Variants in CDH13 observed in about 807,000 individuals in gnomAD.
The protein encoded by CDH13 is cadherin 13.
CDH13 carries 24 observed loss-of-function variants against 63.8 expected under a neutral mutation model. That is an observed-to-expected ratio of 0.38 (90% CI 0.27 to 0.53). The LOEUF (loss-of-function observed/expected upper bound fraction) is 0.53. Among genes scored for constraint, CDH13 ranks in the 20% least tolerant of loss-of-function variants. The probability of loss-of-function intolerance (pLI) is 0.85; values close to 1 mark genes in which losing one functional copy is unlikely to be tolerated. For missense variants in CDH13, 1,049 were observed against 903.1 expected, an observed-to-expected ratio of 1.16 and a Z score of -2.07; for synonymous variants, 503 against 355.3, an observed-to-expected ratio of 1.42 and a Z score of -4.67.
At chr16:82,731,578 ATTG>A (rs1247190761) in intron 1 of CDH13, among the ~76,000 whole-genome samples, 1 of 152,242 alleles carries the variant, frequency 6.6e-6, no homozygotes, top group Admixed American at 6.5e-5. Flanking sequence ...GACTTAGGTC[ATTG>A]GTTTATTTTC....
intron 5 of CDH13, among the ~76,000 whole-genome samples, chr16:83,232,620 A>G (rs1211954350): frequency 6.6e-6 from 1 of 151,738 alleles, no homozygotes; most frequent in East Asian, 1.9e-4. Context: ...GCCATGTTAT[A>G]CGCCTGCATC....
At chr16:83,080,005 A>G (rs2033123885) in intron 3 of CDH13, among the ~76,000 whole-genome samples, 2 of 152,226 alleles carry the variant, frequency 1.3e-5, no homozygotes, top group Non-Finnish European at 2.9e-5. Context: ...TGGACTAATA[A>G]AAATGACATA....
chr16:83,599,811 A>C (rs1456678119), intron 7 of CDH13, among the ~76,000 whole-genome samples: 1 of 152,232 alleles, frequency 6.6e-6, no homozygotes, highest in Non-Finnish European at 1.5e-5. Flanking sequence ...GTGCTTTCAA[A>C]AATAAGTAAC....
intron 7 of CDH13, among the ~76,000 whole-genome samples, chr16:83,593,988 T>G (rs1327443845): frequency 6.6e-6 from 1 of 152,260 alleles, no homozygotes; most frequent in Non-Finnish European, 1.5e-5. Flanking sequence ...ACAGTTTCCC[T>G]GCTCAGGAAT....
intron 8 of CDH13, among the ~76,000 whole-genome samples, chr16:83,616,275 A>T (rs1909273951): frequency 6.6e-6 from 1 of 152,174 alleles, no homozygotes; most frequent in Non-Finnish European, 1.5e-5. Flanking sequence ...ATAATCTACC[A>T]TGTGGCTGTT....
chr16:83,347,178 C>T (rs1382306115), intron 6 of CDH13, among the ~76,000 whole-genome samples: 1 of 152,192 alleles, frequency 6.6e-6, no homozygotes, highest in East Asian at 1.9e-4. Context: ...AGACGGTATC[C>T]TCTTTCCAAC....
At chr16:83,485,956 A>T (rs1000712750) in intron 6 of CDH13, among the ~76,000 whole-genome samples, 1 of 152,166 alleles carries the variant, frequency 6.6e-6, no homozygotes, top group African/African-American at 2.4e-5. Flanking sequence ...AAGCCTGGCT[A>T]AAATGGTTAA....
intron 1 of CDH13, among the ~76,000 whole-genome samples, chr16:82,800,588 C>A (rs1192645762): frequency 2.6e-5 from 4 of 152,166 alleles, no homozygotes; most frequent in African/African-American, 9.7e-5. Context: ...AAGTTAAGAA[C>A]CATTAATTTT....
chr16:83,593,692 C>T lies in CDH13; in HGVS notation c.961-8762C>T, dbSNP rs571129047. 3.9e-5 allele frequency among the ~76,000 whole-genome samples: 6 copies of T among 151,980 alleles called. No individual in the cohort carries two copies. In the South Asian group the frequency reaches 1.0e-3, roughly 26 times the overall value. On this transcript the variant is annotated intron_variant, in intron 7 of 13. Coordinates refer to ENST00000567109, the MANE Select transcript of CDH13 (RefSeq NM_001257.5). ...GTAATCATATTTATGTAATAGTGGGCTAATTGTGTTATAATATGACTAATT... is the reference window on the plus strand; with the variant it reads ...GTAATCATATTTATGTAATAGTGGGTTAATTGTGTTATAATATGACTAATT...
intron 4 of CDH13, among the ~76,000 whole-genome samples, chr16:83,147,583 C>G (rs752078074): frequency 2.9e-4 from 44 of 152,200 alleles, no homozygotes; most frequent in Non-Finnish European, 4.1e-4. Flanking sequence ...CAACATCCCT[C>G]AGGAACATTT....
intron 7 of CDH13, among the ~76,000 whole-genome samples, chr16:83,564,797 G>T (rs990298005): frequency 6.6e-6 from 1 of 152,236 alleles, no homozygotes; most frequent in Non-Finnish European, 1.5e-5. Context: ...AGGCCAGAGA[G>T]AAGAGTATGG....
chr16:83,035,726 C>G (rs566406896), intron 3 of CDH13, among the ~76,000 whole-genome samples: 1 of 152,112 alleles, frequency 6.6e-6, no homozygotes, highest in Non-Finnish European at 1.5e-5. Flanking sequence ...CATGGTGTTT[C>G]TCTTCTAAGC....
chr16:83,361,913 T>C (rs573252121), intron 6 of CDH13, among the ~76,000 whole-genome samples: 44 of 152,288 alleles, frequency 2.9e-4, no homozygotes, highest in African/African-American at 9.9e-4. Flanking sequence ...ATTTGGGGTA[T>C]TTTTTGGTTG....
chr16:83,383,157 G>A (rs530966252), intron 6 of CDH13: 1 of 152,232 alleles, frequency 6.6e-6, no homozygotes, highest in East Asian at 1.9e-4. Flanking sequence ...TGCTCAACGT[G>A]GTCCATCTGA....
chr16:83,561,341 A>G (rs536438966), intron 7 of CDH13, among the ~76,000 whole-genome samples: 1 of 147,356 alleles, frequency 6.8e-6, no homozygotes, highest in Non-Finnish European at 1.5e-5. Flanking sequence ...CAGGAGAATT[A>G]TTTGAACCTG....
chr16:83,041,324 T>C (rs1917312800), intron 3 of CDH13, among the ~76,000 whole-genome samples: 1 of 152,146 alleles, frequency 6.6e-6, no homozygotes, highest in African/African-American at 2.4e-5. Flanking sequence ...TTCATCATCG[T>C]TGCAAACATG....
intron 2 of CDH13, among the ~76,000 whole-genome samples, chr16:82,897,890 A>T (rs114574966): frequency 0.017 from 2,649 of 152,302 alleles, 73 homozygotes; most frequent in African/African-American, 0.059. Flanking sequence ...CTAGTCGGCA[A>T]ACATTTATCA....
chr16:82,955,096 T>C (rs377021306), intron 2 of CDH13, among the ~76,000 whole-genome samples: 1 of 152,242 alleles, frequency 6.6e-6, no homozygotes, highest in South Asian at 2.1e-4. Context: ...TGTGAAAATA[T>C]GCCTATAATC....
intron 4 of CDH13, among the ~76,000 whole-genome samples, chr16:83,138,535 CAG>C (rs1567867408): frequency 6.6e-6 from 1 of 152,052 alleles, no homozygotes; most frequent in Non-Finnish European, 1.5e-5. Flanking sequence ...GTGGTCTGTC[CAG>C]AGAGGTGAGA....
Sources: gnomAD v4.1 joint callset for allele counts (sites outside exome capture counted in the v4.1 genomes callset) on GRCh38, gnomAD v4.1.1 for gene constraint, MANE v1.5 for transcripts, NCBI Gene and HGNC (gene_info 2026-07-23, HGNC 2026-07-21) for gene names.